The following FANCC variants were observed in gnomAD, a reference collection of about 807,000 sequenced individuals.
FANCC encodes FA complementation group C, also known as Fanconi anemia group C protein.
A neutral mutation model predicts 71.3 loss-of-function variants in FANCC; 55 were observed. That is an observed-to-expected ratio of 0.77 (90% CI 0.62 to 0.97). The LOEUF (loss-of-function observed/expected upper bound fraction) is 0.97, where lower values mean the gene tolerates loss of function less well. FANCC is among the 50% of genes least tolerant of loss of function. FANCC has a pLI of 0.00. For missense variants in FANCC, 678 were observed against 670.9 expected (o/e 1.01, Z -0.12); for synonymous variants, 275 against 244.9 (o/e 1.12, Z -1.15).
At chr9:95,206,129 T>C (rs1021742067) in intron 4 of FANCC, among the ~76,000 whole-genome samples, 7 of 152,096 alleles carry the variant, frequency 4.6e-5, no homozygotes, top group African/African-American at 1.7e-4. Context: ...AAGGTTTTGC[T>C]GAAAAAGCAA....
chr9:95,163,509 A>G (rs764559190), intron 6 of FANCC, among the ~76,000 whole-genome samples: 3 of 152,238 alleles, frequency 2.0e-5, no homozygotes, highest in Non-Finnish European at 4.4e-5. Flanking sequence ...TTTGATAGAA[A>G]TAACACTGGA....
chr9:95,253,349 T>C (rs908410562), intron 1 of FANCC, among the ~76,000 whole-genome samples: 2 of 152,196 alleles, frequency 1.3e-5, no homozygotes, highest in African/African-American at 4.8e-5. Flanking sequence ...ATCTGAGTCT[T>C]GACAGGTAGA....
intron 1 of FANCC, among the ~76,000 whole-genome samples, chr9:95,271,077 G>A (rs1489718260): frequency 6.6e-6 from 1 of 152,116 alleles, no homozygotes; most frequent in Non-Finnish European, 1.5e-5. Flanking sequence ...CCCCAGAGGG[G>A]ACCCTTGACA....
chr9:95,174,075 CTA>C (rs1825858835), intron 4 of FANCC, among the ~76,000 whole-genome samples: 1 of 152,140 alleles, frequency 6.6e-6, no homozygotes, highest in African/African-American at 2.4e-5. Flanking sequence ...GTCTGTGCTG[CTA>C]TGGCAAAGTA....
intron 12 of FANCC, among the ~76,000 whole-genome samples, chr9:95,112,652 C>G (rs1035306749): frequency 6.6e-6 from 1 of 152,198 alleles, no homozygotes; most frequent in Middle Eastern, 3.2e-3. Context: ...TCAGGGTAGA[C>G]AGATGCACAG....
chr9:95,202,791 A>G (rs1025502974), intron 4 of FANCC, among the ~76,000 whole-genome samples: 3 of 152,212 alleles, frequency 2.0e-5, no homozygotes, highest in African/African-American at 7.2e-5. Context: ...ATCAATTGAA[A>G]AGCAAAAAAT....
chr9:95,293,327 G>C (rs1834171377), intron 1 of FANCC: 1 of 1,609,806 alleles, frequency 6.2e-7, no homozygotes, highest in African/African-American at 1.3e-5. Context: ...TGTGGTGTTA[G>C]GTGTTGATCA....
At chr9:95,184,667 G>A (rs967238147) in intron 4 of FANCC, among the ~76,000 whole-genome samples, 2 of 152,194 alleles carry the variant, frequency 1.3e-5, no homozygotes, top group African/African-American at 4.8e-5. Flanking sequence ...AGGGTTTTTG[G>A]TGGAACTTCA....
chr9:95,214,935 T>C (rs78867980), intron 4 of FANCC, among the ~76,000 whole-genome samples: 1,873 of 152,272 alleles, frequency 0.012, 35 homozygotes, highest in African/African-American at 0.037. Flanking sequence ...CATAACAATA[T>C]GAATGTACTT....
chr9:95,167,802 CATAG>C (rs1437824049), intron 6 of FANCC, among the ~76,000 whole-genome samples: 1 of 152,172 alleles, frequency 6.6e-6, no homozygotes, highest in Non-Finnish European at 1.5e-5. Flanking sequence ...TCAGGTAATG[CATAG>C]ATCTCTGCTT....
chr9:95,240,015 G>T (rs1176887026), intron 4 of FANCC, among the ~76,000 whole-genome samples: 1 of 152,216 alleles, frequency 6.6e-6, no homozygotes, highest in Non-Finnish European at 1.5e-5. Context: ...GGCAGCTGCA[G>T]CCCAGCCTCA....
intron 1 of FANCC, among the ~76,000 whole-genome samples, chr9:95,259,239 C>A (rs1392999170): frequency 4.6e-5 from 7 of 152,114 alleles, no homozygotes; most frequent in Non-Finnish European, 1.0e-4. Flanking sequence ...CCAAGACAAT[C>A]CTAAGCAAAA....
intron 4 of FANCC, among the ~76,000 whole-genome samples, chr9:95,218,373 G>A (rs1187296150): frequency 2.6e-5 from 4 of 152,196 alleles, no homozygotes; most frequent in Admixed American, 6.5e-5. Context: ...GCTGAGGTGG[G>A]AGGACTGCTT....
chr9:95,235,480 A>C (rs918141323), intron 4 of FANCC, among the ~76,000 whole-genome samples: 6 of 152,248 alleles, frequency 3.9e-5, no homozygotes, highest in African/African-American at 1.2e-4. Flanking sequence ...TAGGAAAAGG[A>C]AACCAACAGG....
At chr9:95,292,398 G>A (rs1834089307) in intron 1 of FANCC, 2 of 1,046,930 alleles carry the variant, frequency 1.9e-6, no homozygotes, top group Non-Finnish European at 2.3e-6. Flanking sequence ...GGGTGCCCGC[G>A]CCGTCCCGGC....
At chr9:95,173,180 T>G (rs906764246) in intron 4 of FANCC, among the ~76,000 whole-genome samples, 3 of 152,194 alleles carry the variant, frequency 2.0e-5, no homozygotes, top group Non-Finnish European at 2.9e-5. Flanking sequence ...ATAGCTAAGC[T>G]GTATGGGGTT....
chr9:95,294,526 T>G, intron 1 of FANCC: 1 of 1,555,860 alleles, frequency 6.4e-7, no homozygotes, highest in South Asian at 1.1e-5. Flanking sequence ...CTCCAGCTTT[T>G]CCATGAGTAC....
At chr9:95,139,167 G>C (rs898689656) in intron 7 of FANCC, among the ~76,000 whole-genome samples, 1 of 152,280 alleles carries the variant, frequency 6.6e-6, no homozygotes, top group Non-Finnish European at 1.5e-5. Flanking sequence ...CACAGAAAAA[G>C]AACTGCAAAT....
At chr9:95,274,121 C>T (rs1040670998) in intron 1 of FANCC, among the ~76,000 whole-genome samples, 1 of 152,122 alleles carries the variant, frequency 6.6e-6, no homozygotes. Flanking sequence ...GTTTGCTGCA[C>T]CGATCAACCC....
Sources: gnomAD v4.1 joint callset for allele counts (sites outside exome capture counted in the v4.1 genomes callset) on GRCh38, gnomAD v4.1.1 for gene constraint, MANE v1.5 for transcripts, NCBI Gene and HGNC (gene_info 2026-07-23, HGNC 2026-07-21) for gene names.